The following ATXN7L1 variants were observed in gnomAD, a reference collection of about 807,000 sequenced individuals.
The protein encoded by ATXN7L1 is ataxin 7 like 1.
A neutral mutation model predicts 70.8 loss-of-function variants in ATXN7L1; 15 were observed. The ratio of observed to expected loss-of-function variants is 0.21; its 90% CI spans 0.14 to 0.33. The LOEUF (loss-of-function observed/expected upper bound fraction) is 0.33, where lower values mean the gene tolerates loss of function less well. Ranked by LOEUF, ATXN7L1 falls within the 10% of genes least tolerant of loss-of-function variation. The pLI is 1.00. For missense variants in ATXN7L1, 975 were observed against 1,097.1 expected, an observed-to-expected ratio of 0.89 and a Z score of 1.57; for synonymous variants, 440 against 445.1, an observed-to-expected ratio of 0.99 and a Z score of 0.14.
At chr7:105,753,999 G>C (rs981499542) in intron 3 of ATXN7L1, among the ~76,000 whole-genome samples, 2 of 152,072 alleles carry the variant, frequency 1.3e-5, no homozygotes, top group South Asian at 2.1e-4. Context: ...AATCCTTCTC[G>C]GTCTCAGTTT....
intron 2 of ATXN7L1, chr7:105,819,357 TAAAAA>T: frequency 2.3e-6 from 1 of 442,776 alleles, no homozygotes; most frequent in South Asian, 2.2e-5. Flanking sequence ...GGTTGGCTAT[TAAAAA>T]AAAATCTGTA....
intron 2 of ATXN7L1, chr7:105,819,357 TAAA>T: frequency 4.5e-6 from 2 of 441,040 alleles, no homozygotes; most frequent in South Asian, 4.4e-5. Flanking sequence ...GGTTGGCTAT[TAAA>T]AAAAAATCTG....
At chr7:105,742,014 A>C (rs1798071543) in intron 3 of ATXN7L1, among the ~76,000 whole-genome samples, 1 of 152,218 alleles carries the variant, frequency 6.6e-6, no homozygotes, top group Admixed American at 6.5e-5. Context: ...ACTGTGAGAT[A>C]CATTTCTGTC....
rs1346573421 is a variant in ATXN7L1, at chr7:105,642,946, G to A, written c.754C>T (p.Pro252Ser). 1 of 1,551,706 alleles carries A rather than the reference G, an allele frequency of 6.4e-7. No individual in the cohort carries two copies. Among genetic ancestry groups the A allele is most frequent in the South Asian group, 1.2e-5 (1 of 84,058 alleles). Residue 252 changes from proline to serine, a missense_variant, in exon 5 of 12, where the codon CCT becomes TCT. By Grantham distance (74) the Pro-to-Ser change is moderately conservative. This residue lies in a region of ATXN7L1 where 192 missense variants were observed against 215.5 expected (regional missense o/e 0.89). Transcript: ENST00000419735. Reference protein sequence around the residue: ...KPVLMSKSVPPSPEKILNGKG... With the variant: ...KPVLMSKSVPSSPEKILNGKG... ...CCATTTAAGATCTTCTCTGGTGAAGGTGGCACTGACTTGGACATCAGGACA... is the reference window on the plus strand; with the variant it reads ...CCATTTAAGATCTTCTCTGGTGAAGATGGCACTGACTTGGACATCAGGACA...
At chr7:105,782,085 C>T (rs543099590) in intron 3 of ATXN7L1, among the ~76,000 whole-genome samples, 8 of 152,304 alleles carry the variant, frequency 5.3e-5, no homozygotes, top group Non-Finnish European at 7.4e-5. Flanking sequence ...CTGCCCATCT[C>T]GGCCTCCCAA....
chr7:105,780,779 C>T (rs1803413408), intron 3 of ATXN7L1, among the ~76,000 whole-genome samples: 1 of 152,152 alleles, frequency 6.6e-6, no homozygotes, highest in African/African-American at 2.4e-5. Context: ...ACTTGTTTTA[C>T]ACTTTGCATG....
In ATXN7L1 at chr7:105,642,367, A is replaced by G. The variant is rs553779531; in HGVS notation, c.862+471T>C. On this transcript the variant is annotated intron_variant, in intron 5 of 11. Transcript: ENST00000419735. Reference sequence around the variant, plus strand: ...AATTAACCTGGAAACTCCCGAGGCCAAAGGACAGAGGCTGTGTGTCCCTGT... The same window carrying G: ...AATTAACCTGGAAACTCCCGAGGCCGAAGGACAGAGGCTGTGTGTCCCTGT... Among the ~76,000 whole-genome samples the G allele has an allele frequency of 3.9e-5, 6 of 152,354 alleles. No individual in the cohort carries two copies. The East Asian group carries it at 1.2e-3, about 29-fold the overall frequency.
chr7:105,776,645 T>A (rs1262579025), intron 3 of ATXN7L1, among the ~76,000 whole-genome samples: 1 of 152,102 alleles, frequency 6.6e-6, no homozygotes, highest in African/African-American at 2.4e-5. Flanking sequence ...GAGGGGTGGA[T>A]AAGTACATAA....
At chr7:105,693,017 A>G (rs1319615000) in intron 3 of ATXN7L1, among the ~76,000 whole-genome samples, 1 of 152,110 alleles carries the variant, frequency 6.6e-6, no homozygotes, top group East Asian at 1.9e-4. Flanking sequence ...CATGCCCAGC[A>G]GAAACACTTC....
At chr7:105,647,503 C>T (rs868786542) in intron 4 of ATXN7L1, among the ~76,000 whole-genome samples, 33 of 152,126 alleles carry the variant, frequency 2.2e-4, no homozygotes, top group Admixed American at 9.2e-4. Flanking sequence ...CAAAATTAGC[C>T]GGGCGCGGTG....
intron 3 of ATXN7L1, among the ~76,000 whole-genome samples, chr7:105,692,202 T>G (rs1790977861): frequency 6.6e-6 from 1 of 152,090 alleles, no homozygotes; most frequent in Non-Finnish European, 1.5e-5. Flanking sequence ...CTGCGGTTAT[T>G]AGCAGAAGGA....
At chr7:105,842,324 T>C (rs1480904515) in intron 2 of ATXN7L1, among the ~76,000 whole-genome samples, 1 of 152,096 alleles carries the variant, frequency 6.6e-6, no homozygotes, top group African/African-American at 2.4e-5. Context: ...CACTATCTAA[T>C]ATGAGAATAT....
In ATXN7L1 at chr7:105,681,935, C is replaced by G. The variant is rs190686973; in HGVS notation, c.356-16647G>C. On this transcript the variant is annotated intron_variant, in intron 3 of 11. Coordinates refer to ENST00000419735, the MANE Select transcript of ATXN7L1 (RefSeq NM_020725.2). Reference sequence around the variant, plus strand: ...TTTCGGTTTTGCAAGATAAAGAGTTCAGGAGAGGGCTGGGCACAGTGGCTC... The same window carrying G: ...TTTCGGTTTTGCAAGATAAAGAGTTGAGGAGAGGGCTGGGCACAGTGGCTC... Among the ~76,000 whole-genome samples, 4 of 152,052 alleles carry G rather than the reference C, an allele frequency of 2.6e-5. No individual in the cohort carries two copies. The East Asian group carries it at 5.8e-4, about 22-fold the overall frequency.
intron 3 of ATXN7L1, among the ~76,000 whole-genome samples, chr7:105,717,401 C>T (rs1355393519): frequency 6.6e-6 from 1 of 152,144 alleles, no homozygotes; most frequent in Non-Finnish European, 1.5e-5. Flanking sequence ...GCTGGGATTA[C>T]AGACATGAGC....
intron 3 of ATXN7L1, among the ~76,000 whole-genome samples, chr7:105,671,647 C>T (rs549185137): frequency 1.1e-4 from 17 of 151,900 alleles, no homozygotes; most frequent in Non-Finnish European, 1.9e-4. Context: ...CTGTAATTCC[C>T]GCACTTTGGG....
chr7:105,809,733 G>T (rs915927772), intron 2 of ATXN7L1, among the ~76,000 whole-genome samples: 2 of 151,456 alleles, frequency 1.3e-5, no homozygotes, highest in Non-Finnish European at 2.9e-5. Flanking sequence ...GGTGAAGTGA[G>T]GTGCCTATGC....
chr7:105,795,610 A>G (rs1309158690), intron 2 of ATXN7L1, among the ~76,000 whole-genome samples: 1 of 152,168 alleles, frequency 6.6e-6, no homozygotes, highest in East Asian at 1.9e-4. Flanking sequence ...AGACTAAATA[A>G]GGCTTGATTC....
At chr7:105,672,053 C>T (rs1473613399) in intron 3 of ATXN7L1, among the ~76,000 whole-genome samples, 1 of 151,844 alleles carries the variant, frequency 6.6e-6, no homozygotes, top group Non-Finnish European at 1.5e-5. Flanking sequence ...TTTGGGAGGC[C>T]CAGGTGGGTG....
intron 3 of ATXN7L1, among the ~76,000 whole-genome samples, chr7:105,757,658 C>T (rs1799975957): frequency 6.8e-6 from 1 of 146,206 alleles, no homozygotes; most frequent in African/African-American, 2.5e-5. Context: ...CAGCTCACTA[C>T]AGCCTCCATC....
Sources: allele counts gnomAD v4.1 joint callset (sites outside exome capture counted in the v4.1 genomes callset), GRCh38; gene constraint gnomAD v4.1.1; regional missense constraint gnomAD v4.1.1; transcripts MANE v1.5; gene names NCBI Gene and HGNC (gene_info 2026-07-23, HGNC 2026-07-21).